Variants in KNCN observed in about 807,000 individuals in gnomAD.
KNCN encodes the protein kinocilin.
In KNCN, 11 loss-of-function variants were observed where a neutral mutation model predicts 10.4. That is an observed-to-expected ratio of 1.06 (90% CI 0.67 to 1.75). The LOEUF (loss-of-function observed/expected upper bound fraction) is 1.75, where lower values mean the gene tolerates loss of function less well. KNCN is among the 40% of genes most tolerant of loss of function. The probability of loss-of-function intolerance (pLI) is 0.00; values close to 1 mark genes in which losing one functional copy is unlikely to be tolerated. For synonymous variants in KNCN, 67 were observed against 71.6 expected (o/e 0.94, Z 0.33); for missense variants, 172 against 167.1 (o/e 1.03, Z -0.16).
chr1:46,546,498 C>T lies in KNCN; in HGVS notation c.*1232G>A, dbSNP rs1354780443. The T allele has an allele frequency of 6.6e-6, 1 of 152,260 alleles. No homozygotes were observed. Among genetic ancestry groups the T allele is most frequent in the Non-Finnish European group, 1.5e-5 (1 of 68,064 alleles). The allele number at this position is 152,260 out of a possible 1,614,324, so 9.4% of individuals were successfully genotyped here. A position where few individuals can be genotyped will look rare whatever the true frequency, so the allele number is the denominator to read the frequency against. The stretch of plus-strand genomic sequence containing the variant: ...TGATTTCTAGCTTGTCTTCTGCTCA[C>T]TAAACCAGGCCAGAGGCCGTATGGA... On this transcript the variant is annotated 3_prime_UTR_variant, in exon 4 of 4. Coordinates refer to ENST00000481882, the MANE Select transcript of KNCN (RefSeq NM_001322255.2).
At chr1:46,550,889 G>C (rs567892745) in intron 1 of KNCN, among the ~76,000 whole-genome samples, 176 bp downstream of exon 1, 1 of 152,086 alleles carries the variant, frequency 6.6e-6, no homozygotes, top group Non-Finnish European at 1.5e-5. Context: ...GAGCCCCAGC[G>C]CGTCGCTCCT....
chr1:46,550,904 C>G (rs539406831), intron 1 of KNCN, among the ~76,000 whole-genome samples, 161 bp downstream of exon 1: 2 of 152,148 alleles, frequency 1.3e-5, no homozygotes, highest in Non-Finnish European at 2.9e-5. Context: ...GCTCCTCTCC[C>G]GCCTGTGCCC....
intron 3 of KNCN, 21 bp from the exon 4 acceptor site, chr1:46,547,830 G>A (rs1460319284): frequency 1.9e-5 from 28 of 1,441,330 alleles, no homozygotes; most frequent in Non-Finnish European, 2.3e-5. Flanking sequence ...GAACAGGGAC[G>A]AGGACTGCCT....
chr1:46,548,260 C>T (rs1340987789), intron 3 of KNCN, among the ~76,000 whole-genome samples: 1 of 152,162 alleles, frequency 6.6e-6, no homozygotes, highest in African/African-American at 2.4e-5. Flanking sequence ...GGGCCTTTCA[C>T]TGAGTATTAG....
Position 46,551,257 on chromosome 1 carries a change from G to A in KNCN, c.-42C>T. On this transcript the variant is annotated 5_prime_UTR_variant, in exon 1 of 4. Coordinates refer to ENST00000481882, the MANE Select transcript of KNCN (RefSeq NM_001322255.2). The surrounding 1 kb of genome is among the most constrained non-coding windows in gnomAD (Gnocchi z 4.0). ...CACTGCCTCCAGCCGGTGCAGTCTGGCCCCAGAAAAGTCCTGGAAGTTTCT... is the reference window on the plus strand; with the variant it reads ...CACTGCCTCCAGCCGGTGCAGTCTGACCCCAGAAAAGTCCTGGAAGTTTCT... The A allele has an allele frequency of 3.8e-6, 6 of 1,569,874 alleles. No individual in the cohort carries two copies. Among genetic ancestry groups the A allele is most frequent in the Non-Finnish European group, 5.2e-6 (6 of 1,164,302 alleles).
chr1:46,549,767 G>T, intron 2 of KNCN, 167 bp downstream of exon 2: 1 of 1,295,660 alleles, frequency 7.7e-7, no homozygotes, highest in Non-Finnish European at 1.1e-6. Context: ...CTGTAGTCAT[G>T]GCAACGCCTG....
At chr1:46,549,765 A>G in intron 2 of KNCN, 169 bp downstream of exon 2, 2 of 1,283,224 alleles carry the variant, frequency 1.6e-6, no homozygotes. Flanking sequence ...TTCTGTAGTC[A>G]TGGCAACGCC....
rs1666952309 is a variant in KNCN at position 46,546,819 on chromosome 1, A to T, written c.*911T>A. On this transcript the variant is annotated 3_prime_UTR_variant, in exon 4 of 4. Coordinates refer to ENST00000481882, the MANE Select transcript of KNCN (RefSeq NM_001322255.2). ...AAAAGGAAGACTTCAGCCCTGCCTGAAAGGTGGCAAGACAGAGGTTGGTGG... is the reference window on the plus strand; with the variant it reads ...AAAAGGAAGACTTCAGCCCTGCCTGTAAGGTGGCAAGACAGAGGTTGGTGG... The T allele has an allele frequency of 6.4e-6, 1 of 156,962 alleles. No individual in the cohort carries two copies. The highest frequency in any genetic ancestry group is 1.4e-5 in the Non-Finnish European group (1 of 70,652). 9.7% of individuals were successfully genotyped at this position (156,962 alleles called of 1,614,324 possible). A position where few individuals can be genotyped will look rare whatever the true frequency, so the allele number is the denominator to read the frequency against.
Position 46,551,071 on chromosome 1 carries a change from C to T in KNCN, c.145G>A (p.Val49Ile). 1.3e-6 allele frequency: 2 copies of T among 1,597,598 alleles called. No homozygotes were observed. The highest frequency in any genetic ancestry group is 1.7e-6 in the Non-Finnish European group (2 of 1,171,860). ...AMGGVFIGAA[V>I]LGLLILAYPF... ...CAGCCCAGCCCCTGCTCACCCAGAA[C>T]AGCAGCGCCAATAAAGACACCGCCC... The change falls in exon 1 of 4, where the codon GTT becomes ATT. Residue 49 changes from valine (V) to isoleucine (I), a missense_variant. By Grantham distance (29) the Val-to-Ile change is conservative. Coordinates refer to ENST00000481882, the MANE Select transcript of KNCN (RefSeq NM_001322255.2). The surrounding 1 kb of genome is among the most constrained non-coding windows in gnomAD (Gnocchi z 4.0).
chr1:46,551,435 A>G lies in KNCN; in HGVS notation c.-220T>C. The stretch of plus-strand genomic sequence containing the variant: ...AGTCCCACCTTGACCAGGGATCTGT[A>G]CGAGGTCACCCAGCTTACTCTTCCT... On this transcript the variant is annotated 5_prime_UTR_variant, in exon 1 of 4. Transcript: ENST00000481882. The surrounding 1 kb of genome is among the most constrained non-coding windows in gnomAD (Gnocchi z 4.0). 2 of 503,702 alleles carry G rather than the reference A, an allele frequency of 4.0e-6. No individual in the cohort carries two copies. The highest frequency in any genetic ancestry group is 6.9e-6 in the Non-Finnish European group (2 of 291,174). 31.2% of individuals were successfully genotyped at this position (503,702 alleles called of 1,614,324 possible).
intron 1 of KNCN, 82 bp downstream of exon 1, chr1:46,550,983 C>T (rs1356762365): frequency 1.1e-5 from 15 of 1,331,572 alleles, no homozygotes; most frequent in Admixed American, 4.7e-5. Flanking sequence ...CCCAGCCCTT[C>T]CCTGTTCCTT....
intron 1 of KNCN, among the ~76,000 whole-genome samples, chr1:46,550,840 G>A (rs1258044): frequency 0.32 from 49,322 of 151,858 alleles, 8,622 homozygotes; most frequent in East Asian, 0.71. Context: ...AGAGTGTGAC[G>A]GCCAGCTCTC....
intron 1 of KNCN, among the ~76,000 whole-genome samples, chr1:46,550,795 C>T (rs1667050533): frequency 6.6e-6 from 1 of 152,166 alleles, no homozygotes; most frequent in Admixed American, 6.5e-5. Context: ...GAGCCTAGAG[C>T]TTGGGGCTGG....
chr1:46,545,698 C>A lies in KNCN; in HGVS notation c.*2032G>T, dbSNP rs568361923. Reference sequence around the variant, plus strand: ...TCCCCAGCATCTCTCTCTGCCTGGCCCTGCCAGGCATCGGGGATTCCATAG... The same window carrying A: ...TCCCCAGCATCTCTCTCTGCCTGGCACTGCCAGGCATCGGGGATTCCATAG... On this transcript the variant is annotated 3_prime_UTR_variant, in exon 4 of 4. Coordinates refer to ENST00000481882, the MANE Select transcript of KNCN (RefSeq NM_001322255.2). 1 of 152,296 alleles carries A rather than the reference C, an allele frequency of 6.6e-6. No homozygotes were observed. Among genetic ancestry groups the A allele is most frequent in the African/African-American group, 2.4e-5 (1 of 41,442 alleles). 9.4% of individuals were successfully genotyped at this position (152,296 alleles called of 1,614,324 possible). A position where few individuals can be genotyped will look rare whatever the true frequency, so the allele number is the denominator to read the frequency against.
In KNCN at chr1:46,551,174, C is replaced by T; in HGVS notation, c.42G>A (p.Gln14=). ...PISSRDFRGL[Q]LACVALGLVA... ...CCAGCCCGAGAGCCACGCAGGCCAG[C>T]TGCAGGCCGCGGAAGTCTCTGCTGC... Residue 14 remains glutamine, a synonymous_variant, in exon 1 of 4, where the codon CAG becomes CAA. Coordinates refer to ENST00000481882, the MANE Select transcript of KNCN (RefSeq NM_001322255.2). The surrounding 1 kb of genome is among the most constrained non-coding windows in gnomAD (Gnocchi z 4.0). 2 of 1,610,672 alleles carry T rather than the reference C, an allele frequency of 1.2e-6. No individual in the cohort carries two copies. The highest frequency in any genetic ancestry group is 2.2e-5 in the East Asian group (1 of 44,520).
chr1:46,547,133 C>T lies in KNCN; in HGVS notation c.*597G>A, dbSNP rs1666958957. On this transcript the variant is annotated 3_prime_UTR_variant, in exon 4 of 4. Transcript: ENST00000481882. ...CCAGGCGAAGTTGTTTGTACCTGTCCCTTTGTGAGCCCCCCAAATTCCCCC... is the reference window on the plus strand; with the variant it reads ...CCAGGCGAAGTTGTTTGTACCTGTCTCTTTGTGAGCCCCCCAAATTCCCCC... 2.9e-6 allele frequency: 1 copy of T among 342,066 alleles called. No homozygotes were observed. Among genetic ancestry groups the T allele is most frequent in the Non-Finnish European group, 5.7e-6 (1 of 174,150 alleles). 21.2% of individuals were successfully genotyped at this position (342,066 alleles called of 1,614,324 possible). A position where few individuals can be genotyped will look rare whatever the true frequency, so the allele number is the denominator to read the frequency against.
chr1:46,549,754 G>C, intron 2 of KNCN, 180 bp downstream of exon 2: 1 of 1,177,140 alleles, frequency 8.5e-7, no homozygotes, highest in Non-Finnish European at 1.2e-6. Flanking sequence ...GGATTCTGCC[G>C]TTCTGTAGTC....
Position 46,551,019 on chromosome 1 carries a change from C to T in KNCN, c.151+46G>A, listed in dbSNP as rs1667055057. ...GTTCACCTGACGATGCCCCTGCCCC[C>T]ACCTCCAGAATCTCCCTTCCCTATC... On this transcript the variant is annotated intron_variant, in intron 1 of 3. Transcript: ENST00000481882. The surrounding 1 kb of genome is among the most constrained non-coding windows in gnomAD (Gnocchi z 4.0). 6.6e-7 allele frequency: 1 copy of T among 1,513,756 alleles called. No homozygotes were observed. The highest frequency in any genetic ancestry group is 1.3e-5 in the South Asian group (1 of 77,932). The allele number at this position is 1,513,756 out of a possible 1,614,324, so 93.8% of individuals were successfully genotyped here. A position where few individuals can be genotyped will look rare whatever the true frequency, so the allele number is the denominator to read the frequency against.
Position 46,547,765 on chromosome 1 carries a change from G to T in KNCN, c.340C>A (p.Leu114Met). 1 of 1,479,336 alleles carries T rather than the reference G, an allele frequency of 6.8e-7. No individual in the cohort carries two copies. Among genetic ancestry groups the T allele is most frequent in the Non-Finnish European group, 9.0e-7 (1 of 1,115,836 alleles). 91.6% of individuals were successfully genotyped at this position (1,479,336 alleles called of 1,614,324 possible). A position where few individuals can be genotyped will look rare whatever the true frequency, so the allele number is the denominator to read the frequency against. ...TCAGCCCCCCGGGTCCCCGGCTTCAGCTTCTCCAGGGTCCTGCTCACGGTG... is the reference window on the plus strand; with the variant it reads ...TCAGCCCCCCGGGTCCCCGGCTTCATCTTCTCCAGGGTCCTGCTCACGGTG... ...LSTVSRTLEK[L>M]KPGTRGAEEC Residue 114 changes from leucine to methionine, a missense_variant, in exon 4 of 4, where the codon CTG becomes ATG. Transcript: ENST00000481882.
Sources: allele counts gnomAD v4.1 joint callset (sites outside exome capture counted in the v4.1 genomes callset), GRCh38; gene constraint gnomAD v4.1.1; non-coding constraint Gnocchi (gnomAD v3.1); transcripts MANE v1.5; gene names NCBI Gene and HGNC (gene_info 2026-07-23, HGNC 2026-07-21).